The following GBE1 variants were observed in gnomAD, a reference collection of about 807,000 sequenced individuals.
The protein encoded by GBE1 is 1,4-alpha-glucan-branching enzyme.
GBE1 carries 70 observed loss-of-function variants against 88.8 expected under a neutral mutation model. The ratio of observed to expected loss-of-function variants is 0.79; its 90% confidence interval spans 0.65 to 0.96. The LOEUF is 0.96. GBE1 is among the 40% of genes least tolerant of loss of function. GBE1 has a pLI of 0.00. For synonymous variants in GBE1, 284 were observed against 300.1 expected (o/e 0.95, Z 0.56); for missense variants, 872 against 871.0 (o/e 1.00, Z -0.01).
intron 15 of GBE1, among the ~76,000 whole-genome samples, chr3:81,498,537 T>C (rs909281126): frequency 3.9e-5 from 6 of 152,186 alleles, no homozygotes. Context: ...AACATTCTAT[T>C]TGTGTGAACA....
At chr3:81,746,892 C>T (rs1209580116) in intron 1 of GBE1, among the ~76,000 whole-genome samples, 1 of 152,042 alleles carries the variant, frequency 6.6e-6, no homozygotes, top group Non-Finnish European at 1.5e-5. Flanking sequence ...TCCATGCTTT[C>T]GATAACCTAT....
At chr3:81,697,862 G>A (rs1317385638) in intron 2 of GBE1, among the ~76,000 whole-genome samples, 1 of 151,842 alleles carries the variant, frequency 6.6e-6, no homozygotes, top group Non-Finnish European at 1.5e-5. Flanking sequence ...TCTAACACAC[G>A]CAGCATTTTA....
chr3:81,723,952 T>C (rs150049199), intron 1 of GBE1, among the ~76,000 whole-genome samples: 21 of 152,350 alleles, frequency 1.4e-4, no homozygotes, highest in Non-Finnish European at 2.5e-4. Flanking sequence ...GCTTTGGTCC[T>C]GTGTTTGCTT....
intron 2 of GBE1, among the ~76,000 whole-genome samples, chr3:81,705,200 C>G (rs966815144): frequency 5.9e-5 from 9 of 151,978 alleles, no homozygotes; most frequent in African/African-American, 9.7e-5. Flanking sequence ...TCTCATAAAC[C>G]TTGTTATTTC....
intron 1 of GBE1, among the ~76,000 whole-genome samples, chr3:81,736,187 TG>T (rs1348009946): frequency 6.6e-6 from 1 of 152,206 alleles, no homozygotes; most frequent in African/African-American, 2.4e-5. Flanking sequence ...ATCATGGGTA[TG>T]TCCTCTGGAA....
intron 6 of GBE1, among the ~76,000 whole-genome samples, chr3:81,645,547 A>G (rs1297045538): frequency 6.6e-6 from 1 of 152,200 alleles, no homozygotes; most frequent in African/African-American, 2.4e-5. Flanking sequence ...ACCAGAGTGG[A>G]GGATTTGGAG....
At chr3:81,729,266 G>A (rs1315418651) in intron 1 of GBE1, among the ~76,000 whole-genome samples, 2 of 152,114 alleles carry the variant, frequency 1.3e-5, no homozygotes, top group East Asian at 1.9e-4. Flanking sequence ...TGTTCCTACT[G>A]TTTCCGCCTC....
chr3:81,658,815 G>A (rs1044072140), intron 3 of GBE1, among the ~76,000 whole-genome samples: 1 of 152,156 alleles, frequency 6.6e-6, no homozygotes, highest in Non-Finnish European at 1.5e-5. Flanking sequence ...GGGATTATTT[G>A]AGATTTACGA....
Position 81,726,298 on chromosome 3 carries a change from G to T in GBE1, c.144-20685C>A, listed in dbSNP as rs552472709. On this transcript the variant is annotated intron_variant, in intron 1 of 15. Coordinates refer to ENST00000429644, the MANE Select transcript of GBE1 (RefSeq NM_000158.4). ...CTTAGAGGAGAATGAAGATGAGTAC[G>T]TCATGCTTCAGTGCCACTGCTTTTA... 3.4e-4 allele frequency among the ~76,000 whole-genome samples: 51 copies of T among 152,130 alleles called. No homozygotes were observed. The South Asian group carries it at 0.01, about 31-fold the overall frequency.
chr3:81,591,571 T>C (rs1703877414), intron 8 of GBE1, among the ~76,000 whole-genome samples: 1 of 152,060 alleles, frequency 6.6e-6, no homozygotes, highest in African/African-American at 2.4e-5. Context: ...AGGAAAACCA[T>C]CATAAAACTG....
chr3:81,703,472 C>T (rs1705729978), intron 2 of GBE1, among the ~76,000 whole-genome samples: 1 of 151,878 alleles, frequency 6.6e-6, no homozygotes, highest in Admixed American at 6.6e-5. Flanking sequence ...CCAGTAGCTA[C>T]AAGAGGCGAT....
chr3:81,654,264 C>T (rs1704897561), intron 3 of GBE1, among the ~76,000 whole-genome samples: 1 of 151,976 alleles, frequency 6.6e-6, no homozygotes, highest in African/African-American at 2.4e-5. Context: ...TTATTTAGAA[C>T]ATGTCATTTA....
At chr3:81,691,816 T>C (rs921806244) in intron 2 of GBE1, among the ~76,000 whole-genome samples, 1 of 152,026 alleles carries the variant, frequency 6.6e-6, no homozygotes, top group Non-Finnish European at 1.5e-5. Context: ...ATAATACAGT[T>C]GAATCAAGCA....
rs9836789 is a variant in GBE1 at position 81,750,684 on chromosome 3, T to C, written c.143+10691A>G. Among the ~76,000 whole-genome samples, 83 of 99,368 alleles carry C rather than the reference T, an allele frequency of 8.4e-4. 4 individuals carry two copies. Among genetic ancestry groups the C allele is most frequent in the African/African-American group, 3.3e-3 (74 of 22,724 alleles). 65.2% of individuals were successfully genotyped at this position (99,368 alleles called of 152,430 possible). On this transcript the variant is annotated intron_variant, in intron 1 of 15. Coordinates refer to ENST00000429644, the MANE Select transcript of GBE1 (RefSeq NM_000158.4). ...GTATATATATATATACGTATATATA[T>C]ATATATATATGTATTTTTTTTTTTT...
chr3:81,588,561 T>C (rs1703831075), intron 9 of GBE1, among the ~76,000 whole-genome samples: 1 of 151,378 alleles, frequency 6.6e-6, no homozygotes, highest in South Asian at 2.1e-4. Context: ...CATAGACATA[T>C]TTTTTTGGAT....
intron 7 of GBE1, among the ~76,000 whole-genome samples, chr3:81,596,256 T>TAAA (rs1703955789): frequency 6.6e-6 from 1 of 151,852 alleles, no homozygotes. Flanking sequence ...AAGCAAAAGT[T>TAAA]AAAAGTATTA....
intron 1 of GBE1, among the ~76,000 whole-genome samples, chr3:81,707,553 T>G (rs137977593): frequency 6.6e-6 from 1 of 151,886 alleles, no homozygotes; most frequent in Non-Finnish European, 1.5e-5. Flanking sequence ...ACTGTGGAAC[T>G]GTATGAATGT....
intron 7 of GBE1, among the ~76,000 whole-genome samples, chr3:81,635,842 T>C (rs1704584722): frequency 6.6e-6 from 1 of 152,144 alleles, no homozygotes; most frequent in Non-Finnish European, 1.5e-5. Context: ...AGCAGCATTT[T>C]TAAACTTAAG....
intron 2 of GBE1, among the ~76,000 whole-genome samples, chr3:81,683,542 A>G (rs549361502): frequency 6.6e-6 from 1 of 152,334 alleles, no homozygotes; most frequent in East Asian, 1.9e-4. Flanking sequence ...TATAAACAAC[A>G]GGCTTTTTAC....
Sources: allele counts gnomAD v4.1 joint callset (sites outside exome capture counted in the v4.1 genomes callset), GRCh38; gene constraint gnomAD v4.1.1; transcripts MANE v1.5; gene names NCBI Gene and HGNC (gene_info 2026-07-23, HGNC 2026-07-21).